NUP98: variants seen among roughly 807,000 people sequenced by gnomAD.
NUP98 encodes nucleoporin 98 and 96 precursor, also known as nuclear pore complex protein Nup98-Nup96.
A neutral mutation model predicts 191.9 loss-of-function variants in NUP98; 26 were observed. The observed-to-expected ratio is 0.14, with a 90% CI of 0.10 to 0.19. NUP98 has a LOEUF of 0.19. NUP98 is among the 10% of genes least tolerant of loss of function. The pLI is 1.00. For synonymous variants in NUP98, 808 were observed against 778.4 expected (o/e 1.04, Z -0.63); for missense variants, 1,941 against 2,178.8 (o/e 0.89, Z 2.17).
chr11:3,751,909 G>A (rs1327540967), intron 11 of NUP98, among the ~76,000 whole-genome samples: 1 of 151,942 alleles, frequency 6.6e-6, no homozygotes, highest in African/African-American at 2.4e-5. Context: ...TGGGCGCGGT[G>A]GCTCATGTCT....
chr11:3,725,301 G>T (rs893114296), intron 14 of NUP98, 82 bp from the exon 15 acceptor site: 3 of 674,974 alleles, frequency 4.4e-6, no homozygotes, highest in Admixed American at 2.3e-5. Flanking sequence ...AAAAACTGGA[G>T]TCCAATGGTG....
At chr11:3,779,306 G>GT (rs1780187213) in intron 2 of NUP98, 49 bp from the exon 3 acceptor site, 2 of 1,354,564 alleles carry the variant, frequency 1.5e-6, no homozygotes, top group Non-Finnish European at 1.1e-6. Flanking sequence ...TAAAATCTAC[G>GT]TAAGATGACC....
intron 1 of NUP98, among the ~76,000 whole-genome samples, chr11:3,789,971 C>T (rs557097332): frequency 1.3e-5 from 2 of 151,962 alleles, no homozygotes; most frequent in Non-Finnish European, 2.9e-5. Flanking sequence ...TTTTAGTAGA[C>T]ATGGGGTTTC....
chr11:3,713,815 T>C lies in NUP98; in HGVS notation c.2577+3A>G, dbSNP rs1287375781. The C allele has an allele frequency of 2.0e-5, 32 of 1,610,852 alleles. No individual in the cohort carries two copies. The highest frequency in any genetic ancestry group is 2.3e-5 in the Non-Finnish European group (27 of 1,179,094). On this transcript the variant is annotated splice_donor_region_variant and intron_variant, in intron 19 of 32. Coordinates refer to ENST00000324932, the MANE Select transcript of NUP98 (RefSeq NM_016320.5). ...AAGTCTGAACTGGGTTAAATGACTA[T>C]ACCTTAAACACCCAAGAACCAGTTT...
chr11:3,720,845 AAAAAC>A lies in NUP98; in HGVS notation c.2147-25_2147-21del. The A allele has an allele frequency of 1.0e-6, 1 of 970,940 alleles. No homozygotes were observed. Among genetic ancestry groups the A allele is most frequent in the Admixed American group, 2.3e-5 (1 of 44,204 alleles). 60.1% of individuals were successfully genotyped at this position (970,940 alleles called of 1,614,324 possible). ...TAATACCTGTGACAAAAAAAAAAAAAAAAACAGAAAAAAAAATAACCTGAAATAAT... is the reference window on the plus strand; with the variant it reads ...TAATACCTGTGACAAAAAAAAAAAAAAGAAAAAAAAATAACCTGAAATAAT... On this transcript the variant is annotated intron_variant, in intron 16 of 32. Coordinates refer to ENST00000324932, the MANE Select transcript of NUP98 (RefSeq NM_016320.5).
chr11:3,785,625 G>C (rs2082118327), intron 1 of NUP98, among the ~76,000 whole-genome samples: 1 of 152,092 alleles, frequency 6.6e-6, no homozygotes, highest in African/African-American at 2.4e-5. Context: ...TGATAGCGGT[G>C]GTGCACACCT....
intron 27 of NUP98, among the ~76,000 whole-genome samples, chr11:3,692,088 G>A (rs2078329866): frequency 1.3e-5 from 2 of 152,072 alleles, no homozygotes; most frequent in South Asian, 2.1e-4. Context: ...TCATGCATGC[G>A]TGTGAGATGT....
At chr11:3,745,339 T>C (rs1344818568) in intron 11 of NUP98, among the ~76,000 whole-genome samples, 1 of 152,104 alleles carries the variant, frequency 6.6e-6, no homozygotes, top group Non-Finnish European at 1.5e-5. Context: ...GACAAACTTG[T>C]TTTACAAAAA....
At chr11:3,794,143 T>C (rs754251869) in intron 1 of NUP98, among the ~76,000 whole-genome samples, 1 of 152,022 alleles carries the variant, frequency 6.6e-6, no homozygotes, top group African/African-American at 2.4e-5. Flanking sequence ...TCCTACAATA[T>C]ACAACAGAGC....
chr11:3,739,076 A>G (rs937135758), intron 12 of NUP98, among the ~76,000 whole-genome samples: 1 of 152,170 alleles, frequency 6.6e-6, no homozygotes, highest in African/African-American at 2.4e-5. Flanking sequence ...AATGGGCAGT[A>G]ATGTTAAGGC....
chr11:3,692,103 C>T (rs111384916), intron 27 of NUP98, among the ~76,000 whole-genome samples: 19,892 of 151,998 alleles, frequency 0.13, 1,533 homozygotes, highest in Middle Eastern at 0.27. Context: ...AGATGTGCCA[C>T]CCTCGAACCT....
At chr11:3,702,316 CTCTCTCTCTCTCT>C in intron 23 of NUP98, 134 bp downstream of exon 23, 2 of 77,646 alleles carry the variant, frequency 2.6e-5, no homozygotes, top group Non-Finnish European at 4.3e-5. Flanking sequence ...CACACACACT[CTCTCTCTCTCTCT>C]CTCTCTCTCT....
chr11:3,787,722 G>A (rs949168507), intron 1 of NUP98, among the ~76,000 whole-genome samples: 6 of 152,122 alleles, frequency 3.9e-5, no homozygotes, highest in African/African-American at 9.7e-5. Context: ...GGCCGGGCAC[G>A]GTGGCTCATG....
intron 11 of NUP98, among the ~76,000 whole-genome samples, chr11:3,746,874 T>C (rs1250215370): frequency 2.0e-5 from 3 of 150,434 alleles, no homozygotes; most frequent in Admixed American, 6.6e-5. Flanking sequence ...GATCATGCCA[T>C]TGCACTCCAG....
intron 12 of NUP98, among the ~76,000 whole-genome samples, chr11:3,736,076 T>TTG (rs34834363): frequency 0.35 from 44,849 of 129,258 alleles, 7,228 homozygotes; most frequent in East Asian, 0.41. Context: ...ACAGCTAATT[T>TTG]TGTGTGTGTG....
At chr11:3,722,088 A>ATTAAGCACC (rs1000184636) in intron 16 of NUP98, among the ~76,000 whole-genome samples, 6 of 150,232 alleles carry the variant, frequency 4.0e-5, no homozygotes, top group African/African-American at 1.5e-4. Flanking sequence ...ACAAATACAG[A>ATTAAGCACC]TTAAGCACCT....
chr11:3,681,735 C>T (rs142334597), intron 30 of NUP98, among the ~76,000 whole-genome samples: 1,802 of 152,196 alleles, frequency 0.012, 11 homozygotes, highest in Non-Finnish European at 0.02. Flanking sequence ...AGAGTAGATT[C>T]AGCATAATTC....
intron 9 of NUP98, among the ~76,000 whole-genome samples, chr11:3,761,300 C>T (rs1310444109): frequency 1.3e-5 from 2 of 152,102 alleles, no homozygotes; most frequent in African/African-American, 2.4e-5. Context: ...AATTGTATGG[C>T]ATGTGGACTA....
rs755816362 is a variant in NUP98, at chr11:3,729,715, CA to C, written c.1730+1675del. 8.2e-3 allele frequency among the ~76,000 whole-genome samples: 308 copies of C among 37,398 alleles called. 2 individuals carry two copies. The highest frequency in any genetic ancestry group is 0.021 in the South Asian group (22 of 1,058). 24.5% of individuals were successfully genotyped at this position (37,398 alleles called of 152,430 possible). A position where few individuals can be genotyped will look rare whatever the true frequency, so the allele number is the denominator to read the frequency against. On this transcript the variant is annotated intron_variant, in intron 14 of 32. Transcript: ENST00000324932. ...GGGCAATGGCATAAGACTCTTGCCT[CA>C]AAAAAAAAAAAAAAAAAAAAAAAAA...
Sources: gnomAD v4.1 joint callset for allele counts (sites outside exome capture counted in the v4.1 genomes callset) on GRCh38, gnomAD v4.1.1 for gene constraint, MANE v1.5 for transcripts, NCBI Gene and HGNC (gene_info 2026-07-23, HGNC 2026-07-21) for gene names.